PDZD2: variants seen among roughly 807,000 people sequenced by gnomAD.
PDZD2 encodes PDZ domain containing 2, also known as PDZ domain-containing protein 2.
PDZD2 carries 90 observed loss-of-function variants against 220.7 expected under a neutral mutation model. That is an observed-to-expected ratio of 0.41 (90% confidence interval 0.34 to 0.49). The LOEUF is 0.49. Ranked by LOEUF, PDZD2 falls within the 20% of genes least tolerant of loss-of-function variation. The pLI is 0.28. For synonymous variants in PDZD2, 1,375 were observed against 1,450.5 expected, an observed-to-expected ratio of 0.95 and a Z score of 1.18; for missense variants, 3,174 against 3,608.5, an observed-to-expected ratio of 0.88 and a Z score of 3.08.
intron 2 of PDZD2, among the ~76,000 whole-genome samples, chr5:31,976,447 A>G (rs1022510626): frequency 3.9e-5 from 6 of 152,324 alleles, no homozygotes; most frequent in Middle Eastern, 3.4e-3. Context: ...GTGTCCAACA[A>G]GGTGACTATT....
At chr5:31,961,515 C>T (rs1237202194) in intron 2 of PDZD2, among the ~76,000 whole-genome samples, 1 of 152,068 alleles carries the variant, frequency 6.6e-6, no homozygotes, top group East Asian at 1.9e-4. Context: ...ACCTGGGCAA[C>T]AGAGTGAAAT....
intron 5 of PDZD2, among the ~76,000 whole-genome samples, chr5:32,003,201 C>CA (rs1752443449): frequency 1.0e-5 from 1 of 100,416 alleles, no homozygotes; most frequent in Non-Finnish European, 1.9e-5. Flanking sequence ...ACTACACACA[C>CA]CACACACATC....
At position 31,659,833 on chromosome 5, in the gene PDZD2, G is replaced by T. The variant is rs1430644078; in HGVS notation, c.-361+20396G>T. ...TAAGTTTCCTTTTCCTGCGGCAGAGGTTGGAGGACCGATGTTACAAGATTG... is the reference window on the plus strand; with the variant it reads ...TAAGTTTCCTTTTCCTGCGGCAGAGTTTGGAGGACCGATGTTACAAGATTG... On this transcript the variant is annotated intron_variant, in intron 1 of 24. Coordinates refer to ENST00000438447, the MANE Select transcript of PDZD2 (RefSeq NM_178140.4). Among the ~76,000 whole-genome samples, 5 of 152,242 alleles carry T rather than the reference G, an allele frequency of 3.3e-5. No homozygotes were observed. In the East Asian group the frequency reaches 7.7e-4, roughly 23 times the overall value.
chr5:31,924,467 T>G lies in PDZD2; in HGVS notation c.477-58688T>G, dbSNP rs560566557. On this transcript the variant is annotated intron_variant, in intron 2 of 24. Coordinates refer to ENST00000438447, the MANE Select transcript of PDZD2 (RefSeq NM_178140.4). ...GGCTTTCCTGAAGACGCACTTCTTC[T>G]GAAAAATCGCTCCTGATTCCCCCAG... is the stretch of plus-strand genomic sequence containing the variant. Among the ~76,000 whole-genome samples the G allele has an allele frequency of 2.0e-5, 3 of 152,310 alleles. No homozygotes were observed. The East Asian group carries it at 5.8e-4, about 29-fold the overall frequency.
chr5:31,928,265 A>G (rs4867092), intron 2 of PDZD2, among the ~76,000 whole-genome samples: 113,384 of 151,984 alleles, frequency 0.75, 42,820 homozygotes, highest in East Asian at 0.94. Flanking sequence ...TGGTCACACC[A>G]GTTAAAGGAA....
intron 2 of PDZD2, among the ~76,000 whole-genome samples, chr5:31,949,545 A>C (rs9292451): frequency 0.47 from 72,030 of 151,658 alleles, 17,435 homozygotes; most frequent in East Asian, 0.67. Context: ...TTGTTCATAT[A>C]TTTTTTGTAT....
At chr5:31,867,526 G>T (rs1234812999) in intron 2 of PDZD2, among the ~76,000 whole-genome samples, 2 of 152,162 alleles carry the variant, frequency 1.3e-5, no homozygotes, top group East Asian at 3.8e-4. Context: ...GCTGCTACAC[G>T]GAGATCGGTG....
At chr5:31,753,467 G>T (rs1191526570) in intron 1 of PDZD2, among the ~76,000 whole-genome samples, 1 of 152,180 alleles carries the variant, frequency 6.6e-6, no homozygotes, top group Non-Finnish European at 1.5e-5. Context: ...GGGCATAGTG[G>T]CACGCACCTG....
chr5:31,651,801 T>TTTTG (rs893575275), intron 1 of PDZD2, among the ~76,000 whole-genome samples: 5 of 151,722 alleles, frequency 3.3e-5, no homozygotes, highest in African/African-American at 7.3e-5. Context: ...TGGCTAATTT[T>TTTTG]TTTGTTTGTT....
rs966801334 is a variant in PDZD2, at chr5:32,086,015, A to G, written c.3683-1116A>G. Among the ~76,000 whole-genome samples the G allele has an allele frequency of 6.6e-5, 10 of 152,144 alleles. No individual in the cohort carries two copies. The South Asian group carries it at 1.9e-3, about 28-fold the overall frequency. On this transcript the variant is annotated intron_variant, in intron 19 of 24. Coordinates refer to ENST00000438447, the MANE Select transcript of PDZD2 (RefSeq NM_178140.4). Reference sequence around the variant, plus strand: ...ACTCTCTGGCCAAACTCCCCTTGTCAGCCCCATTCATGTCCCCACCTCCTC... The same window carrying G: ...ACTCTCTGGCCAAACTCCCCTTGTCGGCCCCATTCATGTCCCCACCTCCTC...
chr5:31,853,187 A>C (rs760935092), intron 2 of PDZD2, among the ~76,000 whole-genome samples: 1 of 152,174 alleles, frequency 6.6e-6, no homozygotes, highest in Non-Finnish European at 1.5e-5. Flanking sequence ...TGTAAGCCAG[A>C]CACTTTGTGT....
At position 31,645,352 on chromosome 5, in the gene PDZD2, T is replaced by TTC. The variant is rs1561360213; in HGVS notation, c.-361+5916_-361+5917insCT. 6.6e-5 allele frequency among the ~76,000 whole-genome samples: 9 copies of TTC among 135,774 alleles called. 1 individual carries two copies. The highest frequency in any genetic ancestry group is 1.2e-4 in the Non-Finnish European group (7 of 59,704). 89.1% of individuals were successfully genotyped at this position (135,774 alleles called of 152,430 possible). A position where few individuals can be genotyped will look rare whatever the true frequency, so the allele number is the denominator to read the frequency against. On this transcript the variant is annotated intron_variant, in intron 1 of 24. Coordinates refer to ENST00000438447, the MANE Select transcript of PDZD2 (RefSeq NM_178140.4). The stretch of plus-strand genomic sequence containing the variant: ...TGGTCTCTTTTTTTTTTTTTTTTTT[T>TTC]TTGAGACGGAGTCTTGCTCTGTCGC...
At position 31,695,269 on chromosome 5, in the gene PDZD2, G is replaced by A. The variant is rs192229365; in HGVS notation, c.-361+55832G>A. Among the ~76,000 whole-genome samples, 79 of 152,248 alleles carry A rather than the reference G, an allele frequency of 5.2e-4. 1 individual carries two copies. The highest frequency in any genetic ancestry group is 4.9e-4 in the Non-Finnish European group (33 of 68,032). ...GGTCTGCCCGTTCCTGGGTGCCCCC[G>A]GCTCAGGGCTGCTGAGGAGATCTAG... On this transcript the variant is annotated intron_variant, in intron 1 of 24. Coordinates refer to ENST00000438447, the MANE Select transcript of PDZD2 (RefSeq NM_178140.4).
chr5:31,973,364 T>G (rs1452662828), intron 2 of PDZD2, among the ~76,000 whole-genome samples: 1 of 152,246 alleles, frequency 6.6e-6, no homozygotes, highest in African/African-American at 2.4e-5. Flanking sequence ...CTTTGTTGCA[T>G]GGAGATCAAA....
At chr5:31,725,269 C>T (rs1235669642) in intron 1 of PDZD2, among the ~76,000 whole-genome samples, 2 of 140,726 alleles carry the variant, frequency 1.4e-5, no homozygotes, top group Admixed American at 7.9e-5. Context: ...ACCCGAGAGG[C>T]GGAGGTTGTG....
chr5:31,716,528 C>T (rs548479126), intron 1 of PDZD2, among the ~76,000 whole-genome samples: 14 of 152,140 alleles, frequency 9.2e-5, no homozygotes, highest in East Asian at 1.9e-4. Flanking sequence ...GTAGGCCAGG[C>T]GCGGTGGTTC....
At chr5:31,760,447 T>C (rs951067579) in intron 1 of PDZD2, among the ~76,000 whole-genome samples, 1 of 152,140 alleles carries the variant, frequency 6.6e-6, no homozygotes, top group African/African-American at 2.4e-5. Flanking sequence ...AAATTAGACA[T>C]GCCTAGGTTA....
intron 2 of PDZD2, among the ~76,000 whole-genome samples, chr5:31,905,359 C>T (rs886076126): frequency 6.6e-6 from 1 of 152,210 alleles, no homozygotes; most frequent in African/African-American, 2.4e-5. Flanking sequence ...TTTCTACTGC[C>T]TTGCAGGTGT....
At chr5:31,819,813 G>T (rs1339457997) in intron 2 of PDZD2, among the ~76,000 whole-genome samples, 1 of 152,088 alleles carries the variant, frequency 6.6e-6, no homozygotes, top group African/African-American at 2.4e-5. Context: ...TTCCCCAAGA[G>T]ATTATACTAG....
Sources: allele counts gnomAD v4.1 joint callset (sites outside exome capture counted in the v4.1 genomes callset), GRCh38; gene constraint gnomAD v4.1.1; transcripts MANE v1.5; gene names NCBI Gene and HGNC (gene_info 2026-07-23, HGNC 2026-07-21).